ZNF766: variants seen among roughly 807,000 people sequenced by gnomAD.
ZNF766 encodes zinc finger protein 766.
In ZNF766, 13 loss-of-function variants were observed where a neutral mutation model predicts 13.2. The ratio of observed to expected loss-of-function variants is 0.98; its 90% CI spans 0.64 to 1.56. ZNF766 has a LOEUF of 1.56. Among genes scored for constraint, ZNF766 ranks in the 40% most tolerant of loss-of-function variants. The pLI is 0.00. For synonymous variants in ZNF766, 178 were observed against 187.6 expected, an observed-to-expected ratio of 0.95 and a Z score of 0.42; for missense variants, 521 against 552.2, an observed-to-expected ratio of 0.94 and a Z score of 0.57.
chr19:52,288,027 C>CTTTT, intron 3 of ZNF766: 1 of 354,032 alleles, frequency 2.8e-6, no homozygotes, highest in South Asian at 2.2e-5. Context: ...TTTTCTTTTT[C>CTTTT]TTTTTTTTTT....
intron 1 of ZNF766, among the ~76,000 whole-genome samples, chr19:52,273,102 G>C (rs1031861027): frequency 1.3e-5 from 2 of 151,994 alleles, no homozygotes; most frequent in African/African-American, 4.8e-5. Flanking sequence ...TCTGCCTCCC[G>C]GGTTCAAGCA....
At position 52,294,034 on chromosome 19, in the gene ZNF766, A is replaced by G. The variant is rs1454826011; in HGVS notation, c.*2836A>G. On this transcript the variant is annotated 3_prime_UTR_variant, in exon 4 of 4. Transcript: ENST00000439461. Reference sequence around the variant, plus strand: ...TGTTCATCACTGTTGATAAACATGCACTGTATTATGTTTCTGTGTGCCTTT... The same window carrying G: ...TGTTCATCACTGTTGATAAACATGCGCTGTATTATGTTTCTGTGTGCCTTT... 6.6e-6 allele frequency: 1 copy of G among 152,156 alleles called. No homozygotes were observed. The highest frequency in any genetic ancestry group is 1.5e-5 in the Non-Finnish European group (1 of 68,030). The allele number at this position is 152,156 out of a possible 1,614,324, so 9.4% of individuals were successfully genotyped here. A position where few individuals can be genotyped will look rare whatever the true frequency, so the allele number is the denominator to read the frequency against.
Position 52,293,428 on chromosome 19 carries a change from G to GATCCA in ZNF766, c.*2230_*2231insATCCA, listed in dbSNP as rs1982235318. On this transcript the variant is annotated 3_prime_UTR_variant, in exon 4 of 4. Transcript: ENST00000439461. ...GACCTCGGGTGATCCAGCCACCTCG[G>GATCCA]GTTCCCGAAGTGCTAAGATTACAGG... is the stretch of plus-strand genomic sequence containing the variant. The GATCCA allele has an allele frequency of 6.6e-6, 1 of 152,082 alleles. No homozygotes were observed. The highest frequency in any genetic ancestry group is 1.5e-5 in the Non-Finnish European group (1 of 68,046). The allele number at this position is 152,082 out of a possible 1,614,324, so 9.4% of individuals were successfully genotyped here.
chr19:52,276,973 A>G (rs1981233536), intron 1 of ZNF766, among the ~76,000 whole-genome samples: 1 of 152,122 alleles, frequency 6.6e-6, no homozygotes, highest in Non-Finnish European at 1.5e-5. Flanking sequence ...GTTCTGAAGA[A>G]AGGGGCCAAA....
intron 1 of ZNF766, among the ~76,000 whole-genome samples, chr19:52,279,456 A>G (rs529203928): frequency 6.6e-6 from 1 of 152,258 alleles, no homozygotes; most frequent in South Asian, 2.1e-4. Flanking sequence ...TTTGGGCAGT[A>G]TGGTCATTTT....
chr19:52,291,931 G>T lies in ZNF766; in HGVS notation c.*733G>T. The T allele has an allele frequency of 1.9e-6, 1 of 526,548 alleles. No individual in the cohort carries two copies. The highest frequency in any genetic ancestry group is 3.1e-5 in the East Asian group (1 of 32,462). The allele number at this position is 526,548 out of a possible 1,614,324, so 32.6% of individuals were successfully genotyped here. On this transcript the variant is annotated 3_prime_UTR_variant, in exon 4 of 4. Transcript: ENST00000439461. ...CCTACAAAATAAAAAAAATAAGCCA[G>T]GCCCTTGGCATGTGTCTGTAGTTCC...
chr19:52,277,615 C>A, intron 1 of ZNF766: 2 of 1,473,514 alleles, frequency 1.4e-6, no homozygotes, highest in Non-Finnish European at 1.8e-6. Context: ...AGTTGAGAAT[C>A]TTCTCTGAGT....
intron 3 of ZNF766, 38 bp from the exon 4 acceptor site, chr19:52,290,028 C>T (rs1028098441): frequency 6.5e-7 from 1 of 1,544,772 alleles, no homozygotes; most frequent in Middle Eastern, 1.7e-4. Context: ...CATGCCAGAA[C>T]CATGGGTTCA....
In ZNF766 at chr19:52,290,556, T is replaced by G. The variant is rs200985768; in HGVS notation, c.765T>G (p.Ile255Met). 403 of 1,613,946 alleles carry G rather than the reference T, an allele frequency of 2.5e-4. No homozygotes were observed. Among genetic ancestry groups the G allele is most frequent in the Non-Finnish European group, 3.4e-4 (400 of 1,179,988 alleles). ...CKECGKLFNR[I>M]AYLARHEKVH... ...AGTGTGGCAAGCTCTTCAATCGAAT[T>G]GCATACCTTGCACGACACGAGAAAG... The change falls in exon 4 of 4, where the codon ATT (isoleucine) becomes ATG (methionine). Residue 255 changes from isoleucine to methionine, a missense_variant. Physicochemically the swap from Ile to Met is conservative, Grantham distance 10. Transcript: ENST00000439461.
chr19:52,292,191 G>T lies in ZNF766; in HGVS notation c.*993G>T. 1 of 702,782 alleles carries T rather than the reference G, an allele frequency of 1.4e-6. No homozygotes were observed. The highest frequency in any genetic ancestry group is 2.7e-5 in the East Asian group (1 of 37,270). 43.5% of individuals were successfully genotyped at this position (702,782 alleles called of 1,614,324 possible). On this transcript the variant is annotated 3_prime_UTR_variant, in exon 4 of 4. Coordinates refer to ENST00000439461, the MANE Select transcript of ZNF766 (RefSeq NM_001010851.3). Reference sequence around the variant, plus strand: ...GGGAAAGAATCAGTAAGATGACAGGGCTGACTTCATTAGATGAGGAGCGTT... The same window carrying T: ...GGGAAAGAATCAGTAAGATGACAGGTCTGACTTCATTAGATGAGGAGCGTT...
chr19:52,270,137 G>T (rs1421855833), intron 1 of ZNF766, among the ~76,000 whole-genome samples: 1 of 152,116 alleles, frequency 6.6e-6, no homozygotes, highest in African/African-American at 2.4e-5. Flanking sequence ...TGTTGGGGGA[G>T]GTGGCCGGGA....
chr19:52,277,444 G>A, intron 1 of ZNF766: 1 of 1,526,230 alleles, frequency 6.6e-7, no homozygotes, highest in Admixed American at 2.0e-5. Flanking sequence ...GGGTGACAGA[G>A]TGAGACTCCG....
At chr19:52,283,972 G>A (rs570745406) in intron 3 of ZNF766, among the ~76,000 whole-genome samples, 11 of 152,296 alleles carry the variant, frequency 7.2e-5, no homozygotes, top group Admixed American at 2.0e-4. Flanking sequence ...TCTTGACCTC[G>A]TGATCCGCCC....
intron 1 of ZNF766, among the ~76,000 whole-genome samples, chr19:52,270,382 C>G (rs1350925962): frequency 6.6e-6 from 1 of 151,936 alleles, no homozygotes; most frequent in African/African-American, 2.4e-5. Flanking sequence ...AGAAGCACCC[C>G]AGGAAGTAGC....
intron 1 of ZNF766, among the ~76,000 whole-genome samples, chr19:52,277,895 T>A (rs1981290720): frequency 6.6e-6 from 1 of 151,886 alleles, no homozygotes; most frequent in Non-Finnish European, 1.5e-5. Context: ...TTAGAGAAGC[T>A]GCCCACAGAA....
At chr19:52,286,205 G>A (rs1260326608) in intron 3 of ZNF766, among the ~76,000 whole-genome samples, 2 of 143,414 alleles carry the variant, frequency 1.4e-5, no homozygotes, top group Non-Finnish European at 3.0e-5. Flanking sequence ...TAATTATAAA[G>A]GAAAAGCCTT....
At chr19:52,280,515 A>G (rs567891950) in intron 1 of ZNF766, among the ~76,000 whole-genome samples, 28 of 152,344 alleles carry the variant, frequency 1.8e-4, no homozygotes, top group Admixed American at 4.6e-4. Flanking sequence ...GCATGAGTGC[A>G]TGGATAAGCA....
rs559784833 is a variant in ZNF766 at position 52,277,445 on chromosome 19, T to G, written c.19-4666T>G. 14 of 1,533,428 alleles carry G rather than the reference T, an allele frequency of 9.1e-6. No homozygotes were observed. The African/African-American group carries it at 1.7e-4, about 18-fold the overall frequency. 95.0% of individuals were successfully genotyped at this position (1,533,428 alleles called of 1,614,324 possible). ...CGGCACTCCAGCCTGGGTGACAGAG[T>G]GAGACTCCGTCTCAAAAAAAAACAA... On this transcript the variant is annotated intron_variant, in intron 1 of 3. Coordinates refer to ENST00000439461, the MANE Select transcript of ZNF766 (RefSeq NM_001010851.3).
chr19:52,271,722 G>T lies in ZNF766; in HGVS notation c.18+2091G>T, dbSNP rs539692990. Among the ~76,000 whole-genome samples the T allele has an allele frequency of 1.5e-4, 23 of 152,364 alleles. No individual in the cohort carries two copies. The East Asian group carries it at 4.4e-3, about 29-fold the overall frequency. ...CGCCTGTAATCCCAGCACTTTGGGA[G>T]GCCAAGGCGGGTGGATCACTTATGG... On this transcript the variant is annotated intron_variant, in intron 1 of 3. Coordinates refer to ENST00000439461, the MANE Select transcript of ZNF766 (RefSeq NM_001010851.3).
Sources: allele counts gnomAD v4.1 joint callset (sites outside exome capture counted in the v4.1 genomes callset), GRCh38; gene constraint gnomAD v4.1.1; transcripts MANE v1.5; gene names NCBI Gene and HGNC (gene_info 2026-07-23, HGNC 2026-07-21).